The following GTF3C1 variants were observed in gnomAD, a reference collection of about 807,000 sequenced individuals.
GTF3C1 encodes the protein general transcription factor 3C polypeptide 1.
In GTF3C1, 57 loss-of-function variants were observed where a neutral mutation model predicts 226.7. The observed-to-expected ratio is 0.25, with a 90% CI of 0.20 to 0.31. The LOEUF is 0.31. GTF3C1 is among the 10% of genes least tolerant of loss of function. GTF3C1 has a pLI of 1.00. For synonymous variants in GTF3C1, 1,090 were observed against 1,084.8 expected, an observed-to-expected ratio of 1.00 and a Z score of -0.09; for missense variants, 2,217 against 2,776.1, an observed-to-expected ratio of 0.80 and a Z score of 4.53.
chr16:27,538,297 C>A lies in GTF3C1; in HGVS notation c.491G>T (p.Gly164Val). The change falls in exon 3 of 37, where the codon GGC (glycine) becomes GTC (valine). Residue 164 changes from glycine (G) to valine (V), a missense_variant. Gly to Val is a moderately radical substitution (Grantham distance 109). Coordinates refer to ENST00000356183, the MANE Select transcript of GTF3C1 (RefSeq NM_001520.4). ...CTTCAGGTCGGGATCCCCCTCCTGG[C>A]CTATCAAGGCCCTGTACCGCATGGC... ...SQAMRYRALI[G>V]QEGDPDLKLP... The A allele has an allele frequency of 1.9e-6, 3 of 1,607,536 alleles. No homozygotes were observed. Among genetic ancestry groups the A allele is most frequent in the Non-Finnish European group, 2.6e-6 (3 of 1,174,210 alleles).
rs899984965 is a variant in GTF3C1 at position 27,539,004 on chromosome 16, CTTTTTTTTTT to C, written c.432-658_432-649del. ...CACACACACACACACACACACTCAT[CTTTTTTTTTT>C]TTTTTTTTTTTGCCAACATCCTTGT... On this transcript the variant is annotated intron_variant, in intron 2 of 36. Coordinates refer to ENST00000356183, the MANE Select transcript of GTF3C1 (RefSeq NM_001520.4). Among the ~76,000 whole-genome samples, 44 of 103,898 alleles carry C rather than the reference CTTTTTTTTTT, an allele frequency of 4.2e-4. 1 individual carries two copies. The Middle Eastern group carries it at 0.014, about 34-fold the overall frequency. The allele number at this position is 103,898 out of a possible 152,430, so 68.2% of individuals were successfully genotyped here.
At position 27,482,439 on chromosome 16, in the gene GTF3C1, G is replaced by A. The variant is rs373600667; in HGVS notation, c.4083+605C>T. The A allele has an allele frequency of 1.3e-5, 6 of 455,754 alleles. No homozygotes were observed. The East Asian group carries it at 3.5e-4, about 26-fold the overall frequency. The allele number at this position is 455,754 out of a possible 1,614,324, so 28.2% of individuals were successfully genotyped here. A position where few individuals can be genotyped will look rare whatever the true frequency, so the allele number is the denominator to read the frequency against. Reference sequence around the variant, plus strand: ...CCTCCTCCCTGACCTCTGTGGGCCTGTGCCTTCCTCTTCCGGGAGCTGACT... The same window carrying A: ...CCTCCTCCCTGACCTCTGTGGGCCTATGCCTTCCTCTTCCGGGAGCTGACT... On this transcript the variant is annotated intron_variant, in intron 26 of 36. Coordinates refer to ENST00000356183, the MANE Select transcript of GTF3C1 (RefSeq NM_001520.4).
rs765171009 is a variant in GTF3C1 at position 27,488,276 on chromosome 16, C to G, written c.3651G>C (p.Arg1217=). The part of the protein sequence containing the change: ...RRVRGGKSQK[R]KRLKKDPGKK... The stretch of plus-strand genomic sequence containing the variant: ...TCCCAGGGTCCTTCTTCAGCCGCTT[C>G]CGCTTCTGGCTTTTCCCACCCCTCA... The change falls in exon 23 of 37, where the codon CGG becomes CGC. Residue 1217 remains arginine (R), a synonymous_variant. Coordinates refer to ENST00000356183, the MANE Select transcript of GTF3C1 (RefSeq NM_001520.4). 10 of 1,614,238 alleles carry G rather than the reference C, an allele frequency of 6.2e-6. No individual in the cohort carries two copies. The South Asian group carries it at 1.1e-4, about 18-fold the overall frequency.
intron 6 of GTF3C1, among the ~76,000 whole-genome samples, chr16:27,513,958 C>T (rs1375928622): frequency 6.6e-6 from 1 of 152,182 alleles, no homozygotes; most frequent in Non-Finnish European, 1.5e-5. Context: ...CAACCACCTC[C>T]ACTCAAGCAG....
At chr16:27,542,280 G>A (rs1236203260) in intron 2 of GTF3C1, among the ~76,000 whole-genome samples, 3 of 152,240 alleles carry the variant, frequency 2.0e-5, no homozygotes, top group African/African-American at 7.2e-5. Context: ...CTACCAGTAT[G>A]CCGGGTGCAG....
chr16:27,489,026 G>C lies in GTF3C1; in HGVS notation c.3429+17C>G. 1 of 1,611,910 alleles carries C rather than the reference G, an allele frequency of 6.2e-7. No individual in the cohort carries two copies. The highest frequency in any genetic ancestry group is 1.1e-5 in the South Asian group (1 of 91,026). On this transcript the variant is annotated intron_variant, in intron 21 of 36. Transcript: ENST00000356183. Reference sequence around the variant, plus strand: ...CGAGGACCCCTGAGATTGTAGTCCGGTGTGACGCACACCCACCTTTTTGGC... The same window carrying C: ...CGAGGACCCCTGAGATTGTAGTCCGCTGTGACGCACACCCACCTTTTTGGC...
At chr16:27,536,153 A>ATTTTC (rs2088998282) in intron 4 of GTF3C1, among the ~76,000 whole-genome samples, 1 of 152,210 alleles carries the variant, frequency 6.6e-6, no homozygotes, top group African/African-American at 2.4e-5. Context: ...TCTTAATAAC[A>ATTTTC]TTTTCTTTTC....
At position 27,471,710 on chromosome 16, in the gene GTF3C1, C is replaced by A. The variant is rs764229430; in HGVS notation, c.4526+38G>T. The A allele has an allele frequency of 3.3e-6, 5 of 1,533,830 alleles. No individual in the cohort carries two copies. The highest frequency in any genetic ancestry group is 3.6e-6 in the Non-Finnish European group (4 of 1,108,386). On this transcript the variant is annotated intron_variant, in intron 30 of 36. Coordinates refer to ENST00000356183, the MANE Select transcript of GTF3C1 (RefSeq NM_001520.4). This position sits in a 1 kb window ranked among gnomAD's most constrained non-coding sequence, Gnocchi z 5.0. ...TCCTCTTTACAGACAGGGCGTGGCT[C>A]CACCTCGGAGTACCCAAGGCTCCTG... is the stretch of plus-strand genomic sequence containing the variant.
At chr16:27,510,761 G>A (rs2088561251) in intron 7 of GTF3C1, among the ~76,000 whole-genome samples, 1 of 152,146 alleles carries the variant, frequency 6.6e-6, no homozygotes, top group African/African-American at 2.4e-5. Context: ...TGTGACACTA[G>A]GCCACTGATG....
At position 27,475,125 on chromosome 16, in the gene GTF3C1, C is replaced by T. The variant is rs149809006; in HGVS notation, c.4353+1326G>A. Reference sequence around the variant, plus strand: ...TGGCCAAAGTAACAAGCACGTGCAGCGCCCCGCCAGGGTCAACACTGCTGT... The same window carrying T: ...TGGCCAAAGTAACAAGCACGTGCAGTGCCCCGCCAGGGTCAACACTGCTGT... On this transcript the variant is annotated intron_variant, in intron 29 of 36. Coordinates refer to ENST00000356183, the MANE Select transcript of GTF3C1 (RefSeq NM_001520.4). 2.3e-4 allele frequency among the ~76,000 whole-genome samples: 35 copies of T among 152,316 alleles called. 1 individual carries two copies. The highest frequency in any genetic ancestry group is 6.5e-4 in the African/African-American group (27 of 41,564).
At chr16:27,538,100 A>G in intron 3 of GTF3C1, 80 bp downstream of exon 3, 1 of 1,240,356 alleles carries the variant, frequency 8.1e-7, no homozygotes, top group Non-Finnish European at 1.1e-6. Flanking sequence ...CAGGGAAGAT[A>G]CCACAGCAGG....
chr16:27,503,910 C>T (rs1206883883), intron 10 of GTF3C1, among the ~76,000 whole-genome samples: 5 of 152,172 alleles, frequency 3.3e-5, no homozygotes, highest in African/African-American at 7.2e-5. Flanking sequence ...GGTGTCTGAA[C>T]GGCCAGGCCC....
At chr16:27,516,322 G>A (rs561413390) in intron 6 of GTF3C1, among the ~76,000 whole-genome samples, 2 of 152,362 alleles carry the variant, frequency 1.3e-5, no homozygotes, top group Non-Finnish European at 2.9e-5. Context: ...GGCATCATCA[G>A]CCCCAGGACC....
At chr16:27,512,034 G>T in intron 6 of GTF3C1, 133 bp from the exon 7 acceptor site, 1 of 927,358 alleles carries the variant, frequency 1.1e-6, no homozygotes, top group Non-Finnish European at 1.6e-6. Context: ...ATATCACCGT[G>T]TCTGGACTTT....
chr16:27,522,948 CTTT>C (rs915220412), intron 6 of GTF3C1, among the ~76,000 whole-genome samples: 3 of 149,090 alleles, frequency 2.0e-5, no homozygotes, highest in Admixed American at 6.7e-5. Flanking sequence ...TCTTACTGAA[CTTT>C]TTTTTTTAGA....
intron 20 of GTF3C1, 69 bp from the exon 21 acceptor site, chr16:27,489,247 G>T: frequency 6.5e-7 from 1 of 1,535,138 alleles, no homozygotes; most frequent in Non-Finnish European, 8.9e-7. Context: ...CCCATGGCAT[G>T]GGTTGAGGGA....
chr16:27,528,641 C>G lies in GTF3C1; in HGVS notation c.930G>C (p.Leu310Phe). 2 of 1,609,812 alleles carry G rather than the reference C, an allele frequency of 1.2e-6. No homozygotes were observed. Among genetic ancestry groups the G allele is most frequent in the Non-Finnish European group, 1.7e-6 (2 of 1,176,086 alleles). The change falls in exon 6 of 37, where the codon TTG (leucine) becomes TTC (phenylalanine). Residue 310 changes from leucine to phenylalanine, a missense_variant. By Grantham distance (22) the Leu-to-Phe change is conservative (BLOSUM62 0). Coordinates refer to ENST00000356183, the MANE Select transcript of GTF3C1 (RefSeq NM_001520.4). The stretch of plus-strand genomic sequence containing the variant: ...GTCCACATTCAGGGTGGATCTCTTG[C>G]AAGCGAAGAGACACCACCTTGGCTA... ...AGLAKVVSLRLQEIHPECGPC... is the reference protein window; with the variant it reads ...AGLAKVVSLRFQEIHPECGPC...
chr16:27,491,832 C>G (rs1421388357), intron 19 of GTF3C1, among the ~76,000 whole-genome samples: 2 of 152,210 alleles, frequency 1.3e-5, no homozygotes, highest in Admixed American at 6.5e-5. Context: ...ATGCCCTCCC[C>G]AGCTCTGGCC....
At chr16:27,495,684 G>A (rs1229752763) in intron 14 of GTF3C1, among the ~76,000 whole-genome samples, 192 bp from the exon 15 acceptor site, 1 of 152,226 alleles carries the variant, frequency 6.6e-6, no homozygotes, top group Non-Finnish European at 1.5e-5. Flanking sequence ...TAGCCCATCA[G>A]ACGAAAACAG....
Sources: gnomAD v4.1 joint callset for allele counts (sites outside exome capture counted in the v4.1 genomes callset) on GRCh38, gnomAD v4.1.1 for gene constraint, Gnocchi (gnomAD v3.1) non-coding constraint, MANE v1.5 for transcripts, NCBI Gene and HGNC (gene_info 2026-07-23, HGNC 2026-07-21) for gene names.